SIDT1: variants seen among roughly 807,000 people sequenced by gnomAD.
SIDT1 encodes the protein SID1 transmembrane family member 1.
In SIDT1, 101 loss-of-function variants were observed where a neutral mutation model predicts 107.5. The observed-to-expected ratio is 0.94, with a 90% CI of 0.80 to 1.11. The LOEUF (loss-of-function observed/expected upper bound fraction) is 1.11. Ranked by LOEUF, SIDT1 falls within the 50% of genes least tolerant of loss-of-function variation. The pLI, the probability that SIDT1 is intolerant of heterozygous loss-of-function variation, is 0.00. For synonymous variants in SIDT1, 395 were observed against 398.2 expected, an observed-to-expected ratio of 0.99 and a Z score of 0.10; for missense variants, 1,076 against 1,058.2, an observed-to-expected ratio of 1.02 and a Z score of -0.23.
At chr3:113,550,393 G>A (rs1016102620) in intron 1 of SIDT1, among the ~76,000 whole-genome samples, 1 of 152,194 alleles carries the variant, frequency 6.6e-6, no homozygotes, top group Non-Finnish European at 1.5e-5. Flanking sequence ...TCAGGTGCTA[G>A]AGGGCTGATC....
At chr3:113,537,750 C>T (rs947401587) in intron 1 of SIDT1, among the ~76,000 whole-genome samples, 1 of 152,316 alleles carries the variant, frequency 6.6e-6, no homozygotes, top group African/African-American at 2.4e-5. Context: ...GCCAAGAGAG[C>T]AAAGAGAGAA....
intron 10 of SIDT1, among the ~76,000 whole-genome samples, chr3:113,597,495 C>CAA (rs60934363): frequency 0.073 from 7,927 of 108,926 alleles, 443 homozygotes; most frequent in Admixed American, 0.12. Flanking sequence ...GACTCCATCT[C>CAA]AAAAAAAAAA....
At chr3:113,580,140 A>G (rs1943216733) in intron 4 of SIDT1, among the ~76,000 whole-genome samples, 1 of 152,204 alleles carries the variant, frequency 6.6e-6, no homozygotes, top group South Asian at 2.1e-4. Flanking sequence ...GTCTAGTGCT[A>G]ATTCTTGCCT....
At position 113,570,366 on chromosome 3, in the gene SIDT1, TTTAA is replaced by T. The variant is rs1318085249; in HGVS notation, c.515+2658_515+2661del. ...TTGCCTTTATCAACTGATCTCTGTCTTTAATCAATCAATCAAGTGTCACCTGGTA... is the reference window on the plus strand; with the variant it reads ...TTGCCTTTATCAACTGATCTCTGTCTTCAATCAATCAAGTGTCACCTGGTA... On this transcript the variant is annotated intron_variant, in intron 3 of 24. Coordinates refer to ENST00000264852, the MANE Select transcript of SIDT1 (RefSeq NM_017699.3). Among the ~76,000 whole-genome samples, 6 of 152,378 alleles carry T rather than the reference TTTAA, an allele frequency of 3.9e-5. No individual in the cohort carries two copies. The East Asian group carries it at 1.2e-3, about 29-fold the overall frequency.
downstream of SIDT1, among the ~76,000 whole-genome samples, chr3:113,634,353 G>A (rs1357080964): frequency 6.6e-6 from 1 of 152,074 alleles, no homozygotes; most frequent in East Asian, 1.9e-4. Context: ...GGCATAACTG[G>A]TCATTAAAAC....
intron 1 of SIDT1, among the ~76,000 whole-genome samples, chr3:113,560,492 G>A (rs978926940): frequency 6.6e-6 from 1 of 152,220 alleles, no homozygotes; most frequent in Non-Finnish European, 1.5e-5. Flanking sequence ...ATGGATGAGA[G>A]TGGGAGCATG....
intron 10 of SIDT1, among the ~76,000 whole-genome samples, chr3:113,595,383 G>A (rs1450985629): frequency 6.6e-6 from 1 of 152,040 alleles, no homozygotes; most frequent in African/African-American, 2.4e-5. Context: ...GACCAGCCTA[G>A]GCAACATAGT....
At chr3:113,599,112 G>C (rs1944776447) in intron 10 of SIDT1, among the ~76,000 whole-genome samples, 1 of 152,226 alleles carries the variant, frequency 6.6e-6, no homozygotes, top group African/African-American at 2.4e-5. Flanking sequence ...CTGGGCAACA[G>C]AGTGAGACCC....
At position 113,567,602 on chromosome 3, in the gene SIDT1, A is replaced by G. The variant is rs754717058; in HGVS notation, c.407A>G (p.Asn136Ser). ...ACCTTATGTCCCTCAGAAGCAACCA[A>G]TGAGACGGGACCCTTGCAGCAACTG... Reference protein sequence around the residue: ...SRTLCPSEATNETGPLQQLIF... With the variant: ...SRTLCPSEATSETGPLQQLIF... Residue 136 changes from asparagine to serine, a missense_variant, in exon 3 of 25, where the codon AAT becomes AGT. By Grantham distance (46) the Asn-to-Ser change is conservative. Transcript: ENST00000264852. 5.0e-6 allele frequency: 8 copies of G among 1,614,064 alleles called. No homozygotes were observed. In the South Asian group the frequency reaches 7.7e-5, roughly 16 times the overall value.
Position 113,604,928 on chromosome 3 carries a change from T to G in SIDT1, c.1356T>G (p.Ala452=), listed in dbSNP as rs1445309761. 1.9e-6 allele frequency: 3 copies of G among 1,614,098 alleles called. No individual in the cohort carries two copies. Among genetic ancestry groups the G allele is most frequent in the Non-Finnish European group, 2.5e-6 (3 of 1,180,020 alleles). ...KIYFWNIITI[A]VFYALPVIQL... is the part of the protein sequence containing the mutation. ...TGCATAGGAACATCATCACCATTGCTGTGTTTTACGCGCTGCCCGTGATCC... is the reference window on the plus strand; with the variant it reads ...TGCATAGGAACATCATCACCATTGCGGTGTTTTACGCGCTGCCCGTGATCC... The change falls in exon 14 of 25, where the codon GCT becomes GCG. Residue 452 remains alanine, a synonymous_variant. Coordinates refer to ENST00000264852, the MANE Select transcript of SIDT1 (RefSeq NM_017699.3).
rs371008377 is a variant in SIDT1, at chr3:113,608,047, C to A, written c.1479-47C>A. The A allele has an allele frequency of 2.0e-5, 30 of 1,491,086 alleles. No homozygotes were observed. In the African/African-American group the frequency reaches 4.0e-4, roughly 20 times the overall value. The allele number at this position is 1,491,086 out of a possible 1,614,324, so 92.4% of individuals were successfully genotyped here. ...TCATGCATCATGTATTCTCTGGGTC[C>A]CTTTGATGGTCTTGACTCTCTCATG... is the stretch of plus-strand genomic sequence containing the variant. On this transcript the variant is annotated intron_variant, in intron 15 of 24. Coordinates refer to ENST00000264852, the MANE Select transcript of SIDT1 (RefSeq NM_017699.3).
intron 1 of SIDT1, among the ~76,000 whole-genome samples, chr3:113,550,189 T>C (rs1490188350): frequency 6.6e-6 from 1 of 152,196 alleles, no homozygotes; most frequent in Non-Finnish European, 1.5e-5. Context: ...TGTATCTGTG[T>C]CTCTCTGCTT....
chr3:113,533,184 G>A lies in SIDT1; in HGVS notation c.163G>A (p.Val55Met), dbSNP rs779458827. Residue 55 changes from valine (V) to methionine (M), a missense_variant, in exon 1 of 25, where the codon GTG (valine) becomes ATG (methionine). By Grantham distance (21) the Val-to-Met change is conservative. Transcript: ENST00000264852. ...CGATTTCGATCATGTCTACAGCGGG[G>A]TGGTGAACCTCAGCACCGAGAACAT... is the stretch of plus-strand genomic sequence containing the variant. Reference protein sequence around the residue: ...GADFDHVYSGVVNLSTENIYS... With the variant: ...GADFDHVYSGMVNLSTENIYS... 3 of 1,576,542 alleles carry A rather than the reference G, an allele frequency of 1.9e-6. No individual in the cohort carries two copies. The highest frequency in any genetic ancestry group is 2.6e-6 in the Non-Finnish European group (3 of 1,162,550).
intron 1 of SIDT1, among the ~76,000 whole-genome samples, chr3:113,554,231 G>A (rs745389256): frequency 3.3e-5 from 5 of 152,102 alleles, no homozygotes; most frequent in Non-Finnish European, 7.4e-5. Flanking sequence ...ATGTTCGATG[G>A]AACAACTGCT....
chr3:113,581,254 C>A, intron 5 of SIDT1, 107 bp from the exon 6 acceptor site: 1 of 876,656 alleles, frequency 1.1e-6, no homozygotes. Flanking sequence ...TAATAAGGAT[C>A]CCCTGCTCTG....
At chr3:113,614,995 A>T in intron 19 of SIDT1, 1 of 1,496,226 alleles carries the variant, frequency 6.7e-7, no homozygotes, top group Admixed American at 2.0e-5. Context: ...AGTAGTTTAC[A>T]TGTTTGGCTA....
intron 3 of SIDT1, among the ~76,000 whole-genome samples, chr3:113,575,519 G>A (rs1267437099): frequency 5.3e-5 from 8 of 152,182 alleles, no homozygotes; most frequent in African/African-American, 7.2e-5. Flanking sequence ...TTCTTTAGGC[G>A]ACTTAAGGAC....
intron 18 of SIDT1, 87 bp downstream of exon 18, chr3:113,611,231 G>C: frequency 6.8e-7 from 1 of 1,477,868 alleles, no homozygotes. Flanking sequence ...AACGGGTTTG[G>C]ATTAACCAAA....
rs765265068 is a variant in SIDT1 at position 113,622,463 on chromosome 3, C to CAA, written c.2091-939_2091-938dup. Among the ~76,000 whole-genome samples, 129 of 57,944 alleles carry CAA rather than the reference C, an allele frequency of 2.2e-3. 6 individuals carry two copies. The highest frequency in any genetic ancestry group is 5.9e-3 in the African/African-American group (94 of 15,858). 38.0% of individuals were successfully genotyped at this position (57,944 alleles called of 152,430 possible). On this transcript the variant is annotated intron_variant, in intron 21 of 24. Transcript: ENST00000264852. The stretch of plus-strand genomic sequence containing the variant: ...TGGGCAACACAGTGAGACTCCATCT[C>CAA]AAAAAAAAAAAAAAAAAAAAAAAAA...
Sources: allele counts gnomAD v4.1 joint callset (sites outside exome capture counted in the v4.1 genomes callset), GRCh38; gene constraint gnomAD v4.1.1; transcripts MANE v1.5; gene names NCBI Gene and HGNC (gene_info 2026-07-23, HGNC 2026-07-21).